The following GXYLT2 variants were observed in gnomAD, a reference collection of about 807,000 sequenced individuals.
The protein encoded by GXYLT2 is glucoside xylosyltransferase 2, also known as glycosyltransferase 8 domain containing 4.
In GXYLT2, 53 loss-of-function variants were observed where a neutral mutation model predicts 45.8. The ratio of observed to expected loss-of-function variants is 1.16; its 90% CI spans 0.93 to 1.46. GXYLT2 has a LOEUF of 1.46. Among genes scored for constraint, GXYLT2 ranks in the 40% most tolerant of loss-of-function variants. The pLI is 0.00. For missense variants in GXYLT2, 551 were observed against 544.4 expected (o/e 1.01, Z -0.12); for synonymous variants, 219 against 214.2 (o/e 1.02, Z -0.19).
intron 3 of GXYLT2, among the ~76,000 whole-genome samples, chr3:72,937,741 C>T (rs1406866880): frequency 6.6e-6 from 1 of 152,132 alleles, no homozygotes; most frequent in Non-Finnish European, 1.5e-5. Context: ...GAAAATTCCC[C>T]TGAACCTTCC....
chr3:72,945,631 A>G (rs1407655246), intron 3 of GXYLT2, among the ~76,000 whole-genome samples: 8 of 152,208 alleles, frequency 5.3e-5, no homozygotes, highest in Admixed American at 5.2e-4. Flanking sequence ...AGAAGGGATG[A>G]GTCAGACCTG....
At chr3:72,919,530 A>G (rs1460922125) in intron 2 of GXYLT2, among the ~76,000 whole-genome samples, 1 of 152,214 alleles carries the variant, frequency 6.6e-6, no homozygotes, top group Non-Finnish European at 1.5e-5. Flanking sequence ...CAAGGCATGT[A>G]GATCACCTGA....
intron 3 of GXYLT2, 88 bp from the exon 4 acceptor site, chr3:72,955,010 C>G: frequency 4.4e-6 from 6 of 1,363,036 alleles, no homozygotes; most frequent in Non-Finnish European, 6.1e-6. Context: ...CATTATTTAC[C>G]TATCAGGCTA....
Position 72,957,266 on chromosome 3 carries a change from T to C in GXYLT2, c.890T>C (p.Met297Thr), listed in dbSNP as rs752490957. ...CCAACAGGCCTGGCTTGGGAGGACATGTTGTACCCTCTGTACCAGAAGTAC... is the reference window on the plus strand; with the variant it reads ...CCAACAGGCCTGGCTTGGGAGGACACGTTGTACCCTCTGTACCAGAAGTAC... The part of the protein sequence containing the change: ...MIPTGLAWED[M>T]LYPLYQKYKN... The change falls in exon 5 of 7, where the codon ATG (methionine) becomes ACG (threonine). Residue 297 changes from methionine to threonine, a missense_variant. Met to Thr is a moderately conservative substitution (Grantham distance 81, BLOSUM62 -1). Transcript: ENST00000389617. The C allele has an allele frequency of 1.9e-6, 3 of 1,613,362 alleles. No individual in the cohort carries two copies. The highest frequency in any genetic ancestry group is 2.2e-5 in the South Asian group (2 of 91,046).
intron 1 of GXYLT2, among the ~76,000 whole-genome samples, chr3:72,897,943 A>G (rs1709324302): frequency 6.6e-6 from 1 of 152,196 alleles, no homozygotes. Flanking sequence ...GAAAAAAGCA[A>G]GGTATGAAAA....
chr3:72,908,710 A>T (rs1208211050), intron 2 of GXYLT2, among the ~76,000 whole-genome samples, 151 bp downstream of exon 2: 1 of 150,618 alleles, frequency 6.6e-6, no homozygotes, highest in African/African-American at 2.5e-5. Flanking sequence ...TTGGTAAAAC[A>T]GGGATAATTA....
At chr3:72,932,310 A>T (rs1710054155) in intron 3 of GXYLT2, among the ~76,000 whole-genome samples, 1 of 152,146 alleles carries the variant, frequency 6.6e-6, no homozygotes, top group Admixed American at 6.5e-5. Flanking sequence ...CACCTGCCTC[A>T]GCCTCCCAAA....
chr3:72,888,567 G>C (rs890213367), intron 1 of GXYLT2, 59 bp downstream of exon 1: 122 of 1,076,894 alleles, frequency 1.1e-4, no homozygotes, highest in Non-Finnish European at 1.3e-4. Flanking sequence ...CCCTACACCC[G>C]TGCCAAGTCC....
intron 2 of GXYLT2, among the ~76,000 whole-genome samples, chr3:72,909,062 CTTTTTTTTTT>C (rs71126804): frequency 1.1e-5 from 1 of 91,120 alleles, no homozygotes; most frequent in African/African-American, 4.3e-5. Context: ...TTCTTCCTTT[CTTTTTTTTTT>C]TTTTTTTTTT....
intron 2 of GXYLT2, among the ~76,000 whole-genome samples, chr3:72,914,443 A>G (rs1431709625): frequency 6.6e-6 from 1 of 151,952 alleles, no homozygotes; most frequent in Admixed American, 6.6e-5. Flanking sequence ...GGGACACACA[A>G]ATAAGGAGGC....
At chr3:72,937,564 G>C (rs1350850334) in intron 3 of GXYLT2, among the ~76,000 whole-genome samples, 1 of 152,158 alleles carries the variant, frequency 6.6e-6, no homozygotes, top group Non-Finnish European at 1.5e-5. Flanking sequence ...AACTGAAATT[G>C]AGGAAAACTA....
At position 72,949,502 on chromosome 3, in the gene GXYLT2, C is replaced by CTTT. The variant is rs56323434; in HGVS notation, c.601-5570_601-5568dup. Among the ~76,000 whole-genome samples, 33 of 72,638 alleles carry CTTT rather than the reference C, an allele frequency of 4.5e-4. 2 individuals carry two copies. Among genetic ancestry groups the CTTT allele is most frequent in the African/African-American group, 4.9e-4 (8 of 16,182 alleles). The allele number at this position is 72,638 out of a possible 152,430, so 47.7% of individuals were successfully genotyped here. ...TATGTATCATTCTTTCTTTCTTTTTCTTTTTTTTTTTTTTTTTTTTTTTTT... is the reference window on the plus strand; with the variant it reads ...TATGTATCATTCTTTCTTTCTTTTTCTTTTTTTTTTTTTTTTTTTTTTTTTTTT... On this transcript the variant is annotated intron_variant, in intron 3 of 6. Coordinates refer to ENST00000389617, the MANE Select transcript of GXYLT2 (RefSeq NM_001080393.2).
At chr3:72,948,080 A>G (rs772979838) in intron 3 of GXYLT2, among the ~76,000 whole-genome samples, 2 of 152,194 alleles carry the variant, frequency 1.3e-5, no homozygotes, top group Non-Finnish European at 2.9e-5. Context: ...ATAACTAACT[A>G]TCATTAGTGG....
chr3:72,914,701 G>A (rs1709702209), intron 2 of GXYLT2, among the ~76,000 whole-genome samples: 1 of 152,038 alleles, frequency 6.6e-6, no homozygotes, highest in South Asian at 2.1e-4. Context: ...CACTTGTGGT[G>A]ACAGTAGCTG....
At chr3:72,966,737 C>T (rs1486093620) in intron 5 of GXYLT2, among the ~76,000 whole-genome samples, 4 of 151,886 alleles carry the variant, frequency 2.6e-5, no homozygotes, top group Non-Finnish European at 2.9e-5. Flanking sequence ...GCTATTCTCC[C>T]GCCTCAGCCT....
At chr3:72,908,148 C>A in intron 1 of GXYLT2, 1 of 515,844 alleles carries the variant, frequency 1.9e-6, no homozygotes, top group Non-Finnish European at 3.4e-6. Context: ...TATAGCAGTC[C>A]AAACAGTGAC....
At chr3:72,968,585 G>A (rs1710918564) in intron 6 of GXYLT2, among the ~76,000 whole-genome samples, 1 of 152,198 alleles carries the variant, frequency 6.6e-6, no homozygotes, top group Non-Finnish European at 1.5e-5. Flanking sequence ...AGAGTCAAGT[G>A]CATACAGCAC....
chr3:72,929,696 C>A (rs1709989367), intron 3 of GXYLT2: 2 of 621,800 alleles, frequency 3.2e-6, no homozygotes, highest in Non-Finnish European at 5.8e-6. Flanking sequence ...ATAAGTTGCA[C>A]CACAACATCC....
At chr3:72,893,722 A>T (rs1709227528) in intron 1 of GXYLT2, among the ~76,000 whole-genome samples, 1 of 152,252 alleles carries the variant, frequency 6.6e-6, no homozygotes, top group African/African-American at 2.4e-5. Flanking sequence ...CTTATTATCT[A>T]ATAATATTCA....
Sources: gnomAD v4.1 joint callset for allele counts (sites outside exome capture counted in the v4.1 genomes callset) on GRCh38, gnomAD v4.1.1 for gene constraint, MANE v1.5 for transcripts, NCBI Gene and HGNC (gene_info 2026-07-23, HGNC 2026-07-21) for gene names.